IGSF11: variants seen among roughly 807,000 people sequenced by gnomAD.
IGSF11 encodes the protein immunoglobulin superfamily member 11, also known as CXADR like 1.
In IGSF11, 22 loss-of-function variants were observed where a neutral mutation model predicts 41.0. The observed-to-expected ratio is 0.54, with a 90% confidence interval of 0.38 to 0.77. The LOEUF (loss-of-function observed/expected upper bound fraction) is 0.77. Among genes scored for constraint, IGSF11 ranks in the 30% least tolerant of loss-of-function variants. IGSF11 has a pLI of 0.00. For synonymous variants in IGSF11, 219 were observed against 201.3 expected (o/e 1.09, Z -0.74); for missense variants, 444 against 530.8 (o/e 0.84, Z 1.61).
At chr3:119,063,029 A>G (rs953081914) in intron 1 of IGSF11, among the ~76,000 whole-genome samples, 2 of 152,174 alleles carry the variant, frequency 1.3e-5, no homozygotes, top group Non-Finnish European at 1.5e-5. Flanking sequence ...ATACATTGTA[A>G]TAGGGTTTTA....
chr3:118,928,595 G>C lies in IGSF11; in HGVS notation c.338C>G (p.Ser113Ter), dbSNP rs780758448. ...VSIFINNTQL[S>*]DTGTYQCLVN... ...CAGGCACTGGTAGGTGCCAGTGTCT[G>C]ATAACTGAGTGTTATTAATGAAGAT... The change falls in exon 3 of 7, where the codon TCA (serine) becomes TGA (stop). Residue 113 changes from serine to a stop codon, truncating the protein, a stop_gained. Transcript: ENST00000393775. LOFTEE classifies it high-confidence loss of function. 1 of 1,614,018 alleles carries C rather than the reference G, an allele frequency of 6.2e-7. No individual in the cohort carries two copies. The highest frequency in any genetic ancestry group is 8.5e-7 in the Non-Finnish European group (1 of 1,179,938).
chr3:118,962,249 C>T (rs1361149120), intron 1 of IGSF11, among the ~76,000 whole-genome samples: 1 of 152,192 alleles, frequency 6.6e-6, no homozygotes, highest in Non-Finnish European at 1.5e-5. Context: ...AGTTTCTTCA[C>T]AAGTTCTCCC....
intron 1 of IGSF11, among the ~76,000 whole-genome samples, chr3:119,142,975 C>A (rs186987869): frequency 9.2e-5 from 14 of 152,148 alleles, no homozygotes; most frequent in Admixed American, 9.2e-4. Context: ...ATACCATCAA[C>A]CAGAAATTCT....
At chr3:118,968,244 A>C (rs1490463073) in intron 1 of IGSF11, among the ~76,000 whole-genome samples, 1 of 152,108 alleles carries the variant, frequency 6.6e-6, no homozygotes, top group East Asian at 1.9e-4. Flanking sequence ...CGACTAGGGG[A>C]AGGTGCTGAA....
At chr3:118,916,977 G>A (rs1941190839) in intron 4 of IGSF11, among the ~76,000 whole-genome samples, 1 of 152,092 alleles carries the variant, frequency 6.6e-6, no homozygotes, top group Admixed American at 6.5e-5. Flanking sequence ...TCAGCTACAT[G>A]GAAACTGAAC....
chr3:118,988,370 G>A (rs1266422440), intron 1 of IGSF11, among the ~76,000 whole-genome samples: 13 of 152,086 alleles, frequency 8.5e-5, no homozygotes, highest in Non-Finnish European at 2.9e-5. Flanking sequence ...TTCAAATGAG[G>A]ACACATGTTA....
intron 1 of IGSF11, among the ~76,000 whole-genome samples, chr3:119,067,178 A>T (rs1272736470): frequency 2.0e-5 from 3 of 152,166 alleles, no homozygotes; most frequent in Non-Finnish European, 4.4e-5. Context: ...TTCACCAAAG[A>T]GTTTCTTCTG....
intron 6 of IGSF11, among the ~76,000 whole-genome samples, chr3:118,904,142 C>A (rs542255112): frequency 6.6e-6 from 1 of 152,258 alleles, no homozygotes; most frequent in East Asian, 1.9e-4. Flanking sequence ...CCTCAAATCT[C>A]CCCAGTATGA....
chr3:118,967,468 G>A lies in IGSF11; in HGVS notation c.53-37193C>T, dbSNP rs916607022. On this transcript the variant is annotated intron_variant, in intron 1 of 6. Coordinates refer to ENST00000393775, the MANE Select transcript of IGSF11 (RefSeq NM_001015887.3). ...TTTGCCAATTGAGAGCCCAAGACGC[G>A]TCTTTTAAAAATTAAACATAAGCAT... Among the ~76,000 whole-genome samples, 7 of 151,966 alleles carry A rather than the reference G, an allele frequency of 4.6e-5. No individual in the cohort carries two copies. The East Asian group carries it at 5.8e-4, about 13-fold the overall frequency.
intron 1 of IGSF11, among the ~76,000 whole-genome samples, chr3:119,060,051 C>T (rs1045117545): frequency 3.9e-5 from 6 of 152,086 alleles, no homozygotes; most frequent in South Asian, 2.1e-4. Context: ...CCAGAGTGTT[C>T]CTTTGGTGTC....
chr3:118,984,231 T>TTATAA (rs1202781164), intron 1 of IGSF11, among the ~76,000 whole-genome samples: 1 of 150,874 alleles, frequency 6.6e-6, no homozygotes, highest in African/African-American at 2.4e-5. Context: ...ATCCTTCCCC[T>TTATAA]CCCCTTATAA....
intron 1 of IGSF11, among the ~76,000 whole-genome samples, chr3:119,056,810 G>C (rs1338524433): frequency 6.6e-6 from 1 of 152,180 alleles, no homozygotes; most frequent in Non-Finnish European, 1.5e-5. Context: ...ATGCAAGGCT[G>C]GTTCAACATA....
chr3:119,075,931 T>C (rs1026493701), intron 1 of IGSF11, among the ~76,000 whole-genome samples: 1 of 152,086 alleles, frequency 6.6e-6, no homozygotes, highest in Admixed American at 6.5e-5. Flanking sequence ...ATATGGAACC[T>C]AAAAAGAGCC....
chr3:119,128,591 G>A (rs182575136), intron 1 of IGSF11, among the ~76,000 whole-genome samples: 36 of 152,110 alleles, frequency 2.4e-4, no homozygotes, highest in Non-Finnish European at 4.1e-4. Flanking sequence ...AAAAAGCAGG[G>A]TTGCAATCCT....
chr3:119,045,447 A>T (rs1250911158), intron 1 of IGSF11, among the ~76,000 whole-genome samples: 1 of 152,198 alleles, frequency 6.6e-6, no homozygotes, highest in Non-Finnish European at 1.5e-5. Flanking sequence ...GGGCTTAAAA[A>T]ACGGCGCACC....
At chr3:118,971,511 A>C (rs1933412564) in intron 1 of IGSF11, among the ~76,000 whole-genome samples, 1 of 152,154 alleles carries the variant, frequency 6.6e-6, no homozygotes, top group Non-Finnish European at 1.5e-5. Context: ...AAACGATATG[A>C]AAGTATAGTT....
At chr3:119,079,221 T>C (rs1358053229) in intron 1 of IGSF11, among the ~76,000 whole-genome samples, 18 of 152,152 alleles carry the variant, frequency 1.2e-4, no homozygotes, top group Non-Finnish European at 2.5e-4. Context: ...TAGCCGGGTG[T>C]GGTGGTGGGT....
At chr3:118,937,741 T>C (rs2107550100) in intron 1 of IGSF11, among the ~76,000 whole-genome samples, 1 of 152,344 alleles carries the variant, frequency 6.6e-6, no homozygotes, top group East Asian at 1.9e-4. Context: ...CATAAAATTA[T>C]ATATCTTCAT....
chr3:118,919,254 C>T (rs1941488041), intron 4 of IGSF11, among the ~76,000 whole-genome samples: 1 of 138,200 alleles, frequency 7.2e-6, no homozygotes, highest in Non-Finnish European at 1.5e-5. Flanking sequence ...CCAAAATTGA[C>T]AAATGGGATC....
Sources: gnomAD v4.1 joint callset for allele counts (sites outside exome capture counted in the v4.1 genomes callset) on GRCh38, gnomAD v4.1.1 for gene constraint, MANE v1.5 for transcripts, NCBI Gene and HGNC (gene_info 2026-07-23, HGNC 2026-07-21) for gene names.